Variants in THSD7A observed in about 807,000 individuals in gnomAD.
THSD7A encodes thrombospondin type-1 domain-containing protein 7A.
Under a neutral mutation model 231.3 loss-of-function variants are expected in THSD7A, and 96 were observed. That is an observed-to-expected ratio of 0.41 (90% CI 0.35 to 0.49). THSD7A has a LOEUF of 0.49. THSD7A is among the 20% of genes least tolerant of loss of function. The pLI is 0.05. For missense variants in THSD7A, 2,290 were observed against 2,070.2 expected (o/e 1.11, Z -2.06); for synonymous variants, 940 against 743.3 (o/e 1.26, Z -4.30).
At chr7:11,438,232 C>A (rs567116728) in intron 13 of THSD7A, among the ~76,000 whole-genome samples, 1 of 152,132 alleles carries the variant, frequency 6.6e-6, no homozygotes, top group African/African-American at 2.4e-5. Flanking sequence ...AAGCAGTAGA[C>A]TGCTTAGGCT....
intron 1 of THSD7A, among the ~76,000 whole-genome samples, chr7:11,689,920 T>G (rs1780183209): frequency 8.0e-6 from 1 of 125,522 alleles, no homozygotes; most frequent in Non-Finnish European, 2.0e-5. Context: ...CTTTAGTTGT[T>G]ACTACAAGGC....
At position 11,488,178 on chromosome 7, in the gene THSD7A, G is replaced by A. The variant is rs149706127; in HGVS notation, c.1823-6196C>T. On this transcript the variant is annotated intron_variant, in intron 6 of 27. Coordinates refer to ENST00000423059, the MANE Select transcript of THSD7A (RefSeq NM_015204.3). ...CTCTTGCCAGATCTATACAAAATCC[G>A]GAGTAACTCCGATAATTATTACTGA... Among the ~76,000 whole-genome samples, 76 of 152,202 alleles carry A rather than the reference G, an allele frequency of 5.0e-4. 1 individual carries two copies. The East Asian group carries it at 0.011, about 22-fold the overall frequency.
chr7:11,638,500 G>A lies in THSD7A; in HGVS notation c.191-1539C>T, dbSNP rs1781954814. On this transcript the variant is annotated intron_variant, in intron 1 of 27. Coordinates refer to ENST00000423059, the MANE Select transcript of THSD7A (RefSeq NM_015204.3). The stretch of plus-strand genomic sequence containing the variant: ...TTAATGAGAAAGATGTTTAAAGTTT[G>A]TTGAGAATTTCCTTACAAATGGCAT... Among the ~76,000 whole-genome samples, 3 of 152,258 alleles carry A rather than the reference G, an allele frequency of 2.0e-5. No individual in the cohort carries two copies. In the South Asian group the frequency reaches 6.2e-4, roughly 32 times the overall value.
intron 1 of THSD7A, among the ~76,000 whole-genome samples, chr7:11,797,144 T>C (rs1784147218): frequency 6.6e-6 from 1 of 152,176 alleles, no homozygotes; most frequent in Non-Finnish European, 1.5e-5. Flanking sequence ...AATATATATG[T>C]GTATATCCCC....
At chr7:11,621,054 C>G (rs1207572470) in intron 2 of THSD7A, among the ~76,000 whole-genome samples, 1 of 152,176 alleles carries the variant, frequency 6.6e-6, no homozygotes, top group Non-Finnish European at 1.5e-5. Flanking sequence ...TACCAAGAAA[C>G]CTCACAACTC....
intron 6 of THSD7A, among the ~76,000 whole-genome samples, chr7:11,518,916 C>T (rs1788148193): frequency 1.3e-5 from 2 of 152,044 alleles, no homozygotes; most frequent in African/African-American, 4.8e-5. Context: ...CTTTCATTTT[C>T]ACTATTTATT....
At chr7:11,630,176 T>C (rs1398080101) in intron 2 of THSD7A, among the ~76,000 whole-genome samples, 2 of 152,214 alleles carry the variant, frequency 1.3e-5, no homozygotes, top group African/African-American at 4.8e-5. Context: ...AACAGAAGTT[T>C]GGAGTAATTA....
intron 16 of THSD7A, among the ~76,000 whole-genome samples, chr7:11,423,414 G>C (rs943910911): frequency 2.1e-5 from 3 of 144,682 alleles, no homozygotes; most frequent in African/African-American, 5.2e-5. Context: ...TGTCCCCCAG[G>C]CTGGAGTGCA....
Position 11,461,954 on chromosome 7 carries a change from T to C in THSD7A, c.2501+57A>G, listed in dbSNP as rs985465547. 115 of 1,579,390 alleles carry C rather than the reference T, an allele frequency of 7.3e-5. 1 individual carries two copies. The highest frequency in any genetic ancestry group is 9.5e-5 in the Non-Finnish European group (110 of 1,157,636). On this transcript the variant is annotated intron_variant, in intron 10 of 27. Coordinates refer to ENST00000423059, the MANE Select transcript of THSD7A (RefSeq NM_015204.3). Reference sequence around the variant, plus strand: ...TTCCTTTCCTTATCCTAGGAAAGGATGTGGAGTTGACGTATTTGTTCAGCT... The same window carrying C: ...TTCCTTTCCTTATCCTAGGAAAGGACGTGGAGTTGACGTATTTGTTCAGCT...
chr7:11,566,064 G>C (rs1241082200), intron 4 of THSD7A, among the ~76,000 whole-genome samples: 1 of 152,108 alleles, frequency 6.6e-6, no homozygotes, highest in Non-Finnish European at 1.5e-5. Flanking sequence ...ATAGCAGTAA[G>C]GCTTCTGGGA....
intron 9 of THSD7A, among the ~76,000 whole-genome samples, chr7:11,467,609 G>A (rs1785762959): frequency 6.6e-6 from 1 of 152,080 alleles, no homozygotes. Flanking sequence ...TGCTTTATGT[G>A]AGTTATCACA....
chr7:11,679,859 T>A (rs996306331), intron 1 of THSD7A, among the ~76,000 whole-genome samples: 1 of 152,030 alleles, frequency 6.6e-6, no homozygotes, highest in Non-Finnish European at 1.5e-5. Context: ...AAATTTCATA[T>A]GGAACCAAAA....
chr7:11,781,376 G>A (rs1323884486), intron 1 of THSD7A, among the ~76,000 whole-genome samples: 1 of 151,878 alleles, frequency 6.6e-6, no homozygotes, highest in African/African-American at 2.4e-5. Flanking sequence ...GATGGCTTGA[G>A]CCCAGGAGTT....
rs1215127831 is a variant in THSD7A, at chr7:11,426,647, G to A, written c.3249+19C>T. On this transcript the variant is annotated intron_variant, in intron 15 of 27. Transcript: ENST00000423059. Reference sequence around the variant, plus strand: ...AAAGAAGGATTCTATCAAAAAGCATGAGGTTTAAGAGTTCTTACCTGTGCC... The same window carrying A: ...AAAGAAGGATTCTATCAAAAAGCATAAGGTTTAAGAGTTCTTACCTGTGCC... 1.3e-6 allele frequency: 2 copies of A among 1,548,920 alleles called. No individual in the cohort carries two copies. Among genetic ancestry groups the A allele is most frequent in the Admixed American group, 1.9e-5 (1 of 52,196 alleles).
At chr7:11,618,134 T>C (rs183025414) in intron 2 of THSD7A, among the ~76,000 whole-genome samples, 62 of 152,310 alleles carry the variant, frequency 4.1e-4, no homozygotes, top group Non-Finnish European at 3.2e-4. Flanking sequence ...CACTTATATG[T>C]GGCTATTTAT....
intron 1 of THSD7A, among the ~76,000 whole-genome samples, chr7:11,809,005 T>A (rs983844414): frequency 6.6e-6 from 1 of 152,078 alleles, no homozygotes; most frequent in Non-Finnish European, 1.5e-5. Context: ...AAGAAAATCA[T>A]CATGAGTATT....
At chr7:11,448,565 G>A (rs893352858) in intron 11 of THSD7A, among the ~76,000 whole-genome samples, 2 of 152,086 alleles carry the variant, frequency 1.3e-5, no homozygotes, top group African/African-American at 4.8e-5. Flanking sequence ...GGAGCCTGAC[G>A]TTTTTGACCT....
intron 1 of THSD7A, among the ~76,000 whole-genome samples, chr7:11,762,188 T>C (rs1194093618): frequency 6.6e-6 from 1 of 152,126 alleles, no homozygotes; most frequent in Admixed American, 6.6e-5. Flanking sequence ...GGATTGTAAA[T>C]AGTGCTGTGA....
intron 1 of THSD7A, among the ~76,000 whole-genome samples, chr7:11,813,586 G>A (rs778698944): frequency 2.0e-5 from 3 of 151,832 alleles, no homozygotes; most frequent in South Asian, 2.1e-4. Context: ...GGTGGCACAC[G>A]CCTGTAGTCC....
Sources: allele counts gnomAD v4.1 joint callset (sites outside exome capture counted in the v4.1 genomes callset), GRCh38; gene constraint gnomAD v4.1.1; transcripts MANE v1.5; gene names NCBI Gene and HGNC (gene_info 2026-07-23, HGNC 2026-07-21).